IFFO2: variants seen among roughly 807,000 people sequenced by gnomAD.
The protein encoded by IFFO2 is intermediate filament family orphan 2.
Under a neutral mutation model 53.5 loss-of-function variants are expected in IFFO2, and 19 were observed. The observed-to-expected ratio is 0.36, with a 90% CI of 0.25 to 0.52. The LOEUF (loss-of-function observed/expected upper bound fraction) is 0.52. Ranked by LOEUF, IFFO2 falls within the 20% of genes least tolerant of loss-of-function variation. The pLI is 0.94. For synonymous variants in IFFO2, 303 were observed against 313.6 expected (o/e 0.97, Z 0.36); for missense variants, 570 against 727.4 (o/e 0.78, Z 2.49).
intron 1 of IFFO2, among the ~76,000 whole-genome samples, chr1:18,930,595 G>A (rs1421664562): frequency 6.6e-6 from 1 of 152,338 alleles, no homozygotes; most frequent in East Asian, 1.9e-4. Context: ...AGCCCTTTGA[G>A]GTCTGTCCTA....
chr1:18,944,010 C>T (rs1367189304), intron 1 of IFFO2, among the ~76,000 whole-genome samples: 2 of 152,178 alleles, frequency 1.3e-5, no homozygotes, highest in Non-Finnish European at 2.9e-5. Context: ...AGAGGGAGCC[C>T]TGAGCTCAAG....
At chr1:18,931,138 C>G (rs1306939733) in intron 1 of IFFO2, among the ~76,000 whole-genome samples, 2 of 152,188 alleles carry the variant, frequency 1.3e-5, no homozygotes, top group African/African-American at 4.8e-5. Context: ...GGCCACTGCA[C>G]TCCATCCTGG....
rs1294559010 is a variant in IFFO2, at chr1:18,916,120, C to T, written c.1103+783G>A. 2.7e-5 allele frequency among the ~76,000 whole-genome samples: 4 copies of T among 146,740 alleles called. No homozygotes were observed. Among genetic ancestry groups the T allele is most frequent in the African/African-American group, 2.4e-5 (1 of 40,906 alleles). ...AGTCTGGGTGACAGAGTGAGACTGT[C>T]TCAAAAAAAAAAATAGCCTACAAAT... On this transcript the variant is annotated intron_variant, in intron 5 of 8. Coordinates refer to ENST00000455833, the MANE Select transcript of IFFO2 (RefSeq NM_001136265.2). The surrounding 1 kb of genome is among the most constrained non-coding windows in gnomAD (Gnocchi z 4.3).
chr1:18,939,007 G>A (rs958819673), intron 1 of IFFO2, among the ~76,000 whole-genome samples: 3 of 152,214 alleles, frequency 2.0e-5, no homozygotes, highest in African/African-American at 7.2e-5. Context: ...AGGAGCTAGT[G>A]TCCCCCTGGC....
chr1:18,926,080 G>A, intron 1 of IFFO2, among the ~76,000 whole-genome samples: 2 of 113,692 alleles, frequency 1.8e-5, no homozygotes, highest in Non-Finnish European at 1.9e-5. Context: ...ATGGATGGAT[G>A]GATGGATGGA....
intron 5 of IFFO2, 84 bp from the exon 6 acceptor site, chr1:18,912,167 C>T (rs1053547866): frequency 2.0e-6 from 3 of 1,508,352 alleles, no homozygotes; most frequent in Admixed American, 2.0e-5. Flanking sequence ...GGCAGCTGCC[C>T]AGCAGGTACA....
In IFFO2 at chr1:18,955,963, C is replaced by A; in HGVS notation, c.370G>T (p.Gly124Cys). The A allele has an allele frequency of 7.6e-7, 1 of 1,319,464 alleles. No homozygotes were observed. Among genetic ancestry groups the A allele is most frequent in the South Asian group, 1.8e-5 (1 of 54,994 alleles). 81.7% of individuals were successfully genotyped at this position (1,319,464 alleles called of 1,614,324 possible). The change falls in exon 1 of 9, where the codon GGC becomes TGC. Residue 124 changes from glycine (G) to cysteine (C), a missense_variant. By Grantham distance (159) the Gly-to-Cys change is radical (BLOSUM62 -3). Transcript: ENST00000455833. ...CCGGCCGCCGCGCCACTGCTGAGGC[C>A]GTGCCCGCCGCCGGGCGCCGGGGGC... Reference protein sequence around the residue: ...LRPPAPGGGHGLSSGAAAGAN... With the variant: ...LRPPAPGGGHCLSSGAAAGAN...
At position 18,907,083 on chromosome 1, in the gene IFFO2, C is replaced by G. The variant is rs1190243862; in HGVS notation, c.*1478G>C. On this transcript the variant is annotated 3_prime_UTR_variant, in exon 9 of 9. Coordinates refer to ENST00000455833, the MANE Select transcript of IFFO2 (RefSeq NM_001136265.2). ...CAGGCAAGGCAGAGGGACCCAAGTT[C>G]TAGTCCTTGGGCACATTTTGCTACC... The G allele has an allele frequency of 6.6e-6, 1 of 152,224 alleles. No individual in the cohort carries two copies. The highest frequency in any genetic ancestry group is 1.9e-4 in the East Asian group (1 of 5,196). The allele number at this position is 152,224 out of a possible 1,614,324, so 9.4% of individuals were successfully genotyped here.
At chr1:18,914,188 C>T (rs1175706367) in intron 5 of IFFO2, among the ~76,000 whole-genome samples, 1 of 152,200 alleles carries the variant, frequency 6.6e-6, no homozygotes, top group East Asian at 1.9e-4. Flanking sequence ...ATACTGAACC[C>T]AATTTAGCTC....
chr1:18,925,893 AT>A (rs58479342), intron 1 of IFFO2, among the ~76,000 whole-genome samples: 248 of 14,994 alleles, frequency 0.017, 6 homozygotes, highest in Middle Eastern at 0.033. Context: ...GGATGGATGG[AT>A]TGGATGGATT....
intron 1 of IFFO2, among the ~76,000 whole-genome samples, chr1:18,940,239 C>T (rs189934040): frequency 6.6e-6 from 1 of 152,172 alleles, no homozygotes; most frequent in Admixed American, 6.5e-5. Context: ...AAGGGAGCTG[C>T]CGGCCAGGAG....
chr1:18,946,442 G>T (rs895410952), intron 1 of IFFO2, among the ~76,000 whole-genome samples: 21 of 137,578 alleles, frequency 1.5e-4, no homozygotes, highest in African/African-American at 5.4e-4. Flanking sequence ...TGAGATGGAG[G>T]CTCACTCTGT....
intron 5 of IFFO2, 57 bp from the exon 6 acceptor site, chr1:18,912,140 T>C (rs537336966): frequency 3.2e-6 from 5 of 1,546,348 alleles, no homozygotes; most frequent in Non-Finnish European, 4.4e-6. Context: ...CAGGGACCCA[T>C]ACAGGGGACA....
intron 1 of IFFO2, among the ~76,000 whole-genome samples, chr1:18,945,613 A>C (rs759678758): frequency 2.4e-4 from 37 of 152,242 alleles, no homozygotes; most frequent in Non-Finnish European, 4.1e-4. Flanking sequence ...CTGTGTGAAC[A>C]CACATCCCAG....
At chr1:18,948,900 GT>G (rs1936623777) in intron 1 of IFFO2, among the ~76,000 whole-genome samples, 1 of 152,208 alleles carries the variant, frequency 6.6e-6, no homozygotes, top group Non-Finnish European at 1.5e-5. Flanking sequence ...AGGCGAGCCT[GT>G]CTACTTCTTC....
intron 1 of IFFO2, among the ~76,000 whole-genome samples, chr1:18,942,206 C>T (rs1036121575): frequency 3.3e-5 from 5 of 152,156 alleles, no homozygotes; most frequent in East Asian, 1.9e-4. Flanking sequence ...TCCTTATCTC[C>T]GGGGTAAGCC....
In IFFO2 at chr1:18,955,928, G is replaced by A. The variant is rs1429337903; in HGVS notation, c.405C>T (p.Ala135=). 7.8e-7 allele frequency: 1 copy of A among 1,282,356 alleles called. No individual in the cohort carries two copies. Among genetic ancestry groups the A allele is most frequent in the Non-Finnish European group, 9.8e-7 (1 of 1,021,236 alleles). The allele number at this position is 1,282,356 out of a possible 1,614,324, so 79.4% of individuals were successfully genotyped here. A position where few individuals can be genotyped will look rare whatever the true frequency, so the allele number is the denominator to read the frequency against. ...GCAGGCCGCCCAGGGCCACGGCATTGGCGTTGGCGCCGGCCGCCGCGCCAC... is the reference window on the plus strand; with the variant it reads ...GCAGGCCGCCCAGGGCCACGGCATTAGCGTTGGCGCCGGCCGCCGCGCCAC... ...LSSGAAAGAN[A]NAVALGGLPP... Residue 135 remains alanine, a synonymous_variant, in exon 1 of 9, where the codon GCC becomes GCT. Transcript: ENST00000455833.
intron 8 of IFFO2, 49 bp downstream of exon 8, chr1:18,910,293 C>T (rs1557637101): frequency 6.4e-7 from 1 of 1,557,902 alleles, no homozygotes; most frequent in East Asian, 2.4e-5. Flanking sequence ...CTTGGGAATT[C>T]CCCTCCAAGG....
chr1:18,945,946 C>T (rs1267781787), intron 1 of IFFO2, among the ~76,000 whole-genome samples: 1 of 152,214 alleles, frequency 6.6e-6, no homozygotes, highest in Admixed American at 6.5e-5. Context: ...GAAATAAACC[C>T]TGCAGGTTCC....
Sources: gnomAD v4.1 joint callset for allele counts (sites outside exome capture counted in the v4.1 genomes callset) on GRCh38, gnomAD v4.1.1 for gene constraint, Gnocchi (gnomAD v3.1) non-coding constraint, MANE v1.5 for transcripts, NCBI Gene and HGNC (gene_info 2026-07-23, HGNC 2026-07-21) for gene names.